The following HEATR5B variants were observed in gnomAD, a reference collection of about 807,000 sequenced individuals.
HEATR5B encodes the protein HEAT repeat-containing protein 5B.
Under a neutral mutation model 224.1 loss-of-function variants are expected in HEATR5B, and 156 were observed. The observed-to-expected ratio is 0.70, with a 90% CI of 0.61 to 0.80. The LOEUF (loss-of-function observed/expected upper bound fraction) is 0.80. Ranked by LOEUF, HEATR5B falls within the 30% of genes least tolerant of loss-of-function variation. HEATR5B has a pLI of 0.00. For synonymous variants in HEATR5B, 1,027 were observed against 893.0 expected, an observed-to-expected ratio of 1.15 and a Z score of -2.68; for missense variants, 2,323 against 2,535.5, an observed-to-expected ratio of 0.92 and a Z score of 1.80.
intron 5 of HEATR5B, among the ~76,000 whole-genome samples, chr2:37,074,836 A>G (rs544375863): frequency 2.6e-4 from 40 of 152,236 alleles, no homozygotes; most frequent in Non-Finnish European, 5.6e-4. Context: ...TTAAAGCCAC[A>G]ATGAGATACC....
intron 33 of HEATR5B, among the ~76,000 whole-genome samples, chr2:36,997,412 C>G (rs1666790994): frequency 6.6e-6 from 1 of 152,010 alleles, no homozygotes; most frequent in African/African-American, 2.4e-5. Context: ...TGGTCACAAA[C>G]TCCTCTGCTC....
chr2:37,033,149 G>T (rs1669246514), intron 21 of HEATR5B, among the ~76,000 whole-genome samples: 1 of 152,162 alleles, frequency 6.6e-6, no homozygotes, highest in African/African-American at 2.4e-5. Flanking sequence ...AAAGTGCTGG[G>T]ATTACAGGCA....
Position 37,083,433 on chromosome 2 carries a change from A to G in HEATR5B, c.-19T>C, listed in dbSNP as rs765815925. Reference sequence around the variant, plus strand: ...ACTCCATTACGGAAGTTTGAAATTCACACCTTAAATTTAACAGAGTAAAAA... The same window carrying G: ...ACTCCATTACGGAAGTTTGAAATTCGCACCTTAAATTTAACAGAGTAAAAA... On this transcript the variant is annotated 5_prime_UTR_variant, in exon 2 of 36. Coordinates refer to ENST00000233099, the MANE Select transcript of HEATR5B (RefSeq NM_019024.3). 4 of 1,604,034 alleles carry G rather than the reference A, an allele frequency of 2.5e-6. No individual in the cohort carries two copies. In the South Asian group the frequency reaches 4.4e-5, roughly 18 times the overall value.
intron 16 of HEATR5B, among the ~76,000 whole-genome samples, chr2:37,056,104 A>G (rs1375212701): frequency 3.3e-5 from 5 of 152,178 alleles, no homozygotes; most frequent in African/African-American, 1.2e-4. Context: ...TGTATGAACT[A>G]TCAAACAAAC....
chr2:37,012,074 G>A (rs1204942949), intron 27 of HEATR5B, among the ~76,000 whole-genome samples: 1 of 152,070 alleles, frequency 6.6e-6, no homozygotes, highest in Non-Finnish European at 1.5e-5. Context: ...CACAAAAAAG[G>A]ACAATCAGAA....
Position 36,990,676 on chromosome 2 carries a change from T to A in HEATR5B, c.5669A>T (p.Lys1890Ile). The change falls in exon 34 of 36, where the codon AAA becomes ATA. Residue 1890 changes from lysine to isoleucine, a missense_variant. By Grantham distance (102) the Lys-to-Ile change is moderately radical. This residue lies in a region of HEATR5B where 844 missense variants were observed against 812.9 expected (regional missense o/e 1.04). Transcript: ENST00000233099. ...SLQNGCMNRF[K>I]NALNSCDPWV... ...TGGGTCGCATGAATTTAATGCATTT[T>A]TAAATCTGTTCATGCAGCCATTCTG... The A allele has an allele frequency of 6.2e-7, 1 of 1,601,844 alleles. No homozygotes were observed. Among genetic ancestry groups the A allele is most frequent in the East Asian group, 2.2e-5 (1 of 44,702 alleles).
chr2:37,019,042 C>CA (rs1668300052), intron 26 of HEATR5B, among the ~76,000 whole-genome samples: 2 of 151,880 alleles, frequency 1.3e-5, no homozygotes, highest in South Asian at 4.1e-4. Flanking sequence ...CACCTAATCC[C>CA]AGCTACTCAG....
intron 26 of HEATR5B, among the ~76,000 whole-genome samples, chr2:37,018,887 T>C (rs1668288748): frequency 6.6e-6 from 1 of 151,972 alleles, no homozygotes; most frequent in Non-Finnish European, 1.5e-5. Flanking sequence ...TGGGGCAGGG[T>C]GTGGTGGCAC....
intron 2 of HEATR5B, among the ~76,000 whole-genome samples, chr2:37,081,420 C>G (rs953209273): frequency 6.6e-6 from 1 of 152,104 alleles, no homozygotes; most frequent in Non-Finnish European, 1.5e-5. Context: ...ACAATAACAA[C>G]AAAGCACAAA....
chr2:37,012,173 C>T (rs185825746), intron 27 of HEATR5B, among the ~76,000 whole-genome samples: 20 of 152,188 alleles, frequency 1.3e-4, no homozygotes, highest in Admixed American at 3.9e-4. Context: ...TATATAAACA[C>T]GCTCAGTTTT....
intron 16 of HEATR5B, among the ~76,000 whole-genome samples, chr2:37,055,437 A>C (rs1463476862): frequency 6.6e-6 from 1 of 152,174 alleles, no homozygotes; most frequent in Non-Finnish European, 1.5e-5. Flanking sequence ...TTAGATATGG[A>C]TGTCCTTAAG....
At chr2:37,040,264 T>C (rs1669788542) in intron 20 of HEATR5B, 65 bp downstream of exon 20, 3 of 1,248,994 alleles carry the variant, frequency 2.4e-6, no homozygotes, top group Non-Finnish European at 3.5e-6. Flanking sequence ...GTGATGGTGA[T>C]ATTCAGGAAA....
At chr2:37,007,659 G>C (rs971500571) in intron 28 of HEATR5B, among the ~76,000 whole-genome samples, 1 of 151,996 alleles carries the variant, frequency 6.6e-6, no homozygotes, top group African/African-American at 2.4e-5. Context: ...ATACATGTTC[G>C]CTCATTTATG....
At chr2:37,023,458 T>G (rs1668586604) in intron 24 of HEATR5B, among the ~76,000 whole-genome samples, 1 of 152,160 alleles carries the variant, frequency 6.6e-6, no homozygotes, top group South Asian at 2.1e-4. Context: ...AAAACTAATT[T>G]TAGAATCTTG....
chr2:37,007,151 T>C lies in HEATR5B; in HGVS notation c.4676A>G (p.Gln1559Arg), dbSNP rs753548781. The C allele has an allele frequency of 6.2e-7, 1 of 1,614,154 alleles. No homozygotes were observed. The highest frequency in any genetic ancestry group is 1.1e-5 in the South Asian group (1 of 91,080). ...STEAAAISGLQKRSTSVNLNQ... is the reference protein window; with the variant it reads ...STEAAAISGLRKRSTSVNLNQ... ...TAAATTGACAGATGTAGAACGTTTT[T>C]GTAAACCAGATATTGCTGCTGCTTC... Residue 1559 changes from glutamine to arginine, a missense_variant, in exon 29 of 36, where the codon CAA becomes CGA. Gln to Arg is a conservative substitution (Grantham distance 43). Coordinates refer to ENST00000233099, the MANE Select transcript of HEATR5B (RefSeq NM_019024.3).
At chr2:37,018,952 G>A (rs1368295023) in intron 26 of HEATR5B, among the ~76,000 whole-genome samples, 1 of 152,086 alleles carries the variant, frequency 6.6e-6, no homozygotes, top group African/African-American at 2.4e-5. Context: ...ACGAGATCAG[G>A]GGTTTGAGAC....
intron 34 of HEATR5B, 108 bp downstream of exon 34, chr2:36,990,540 G>A (rs1473789247): frequency 2.9e-6 from 3 of 1,024,300 alleles, no homozygotes; most frequent in East Asian, 2.5e-5. Flanking sequence ...AAGCCATAGT[G>A]CAAATACTTA....
chr2:37,075,502 G>A lies in HEATR5B; in HGVS notation c.580C>T (p.Arg194Ter), dbSNP rs750315743. The A allele has an allele frequency of 3.1e-6, 5 of 1,612,684 alleles. No homozygotes were observed. The highest frequency in any genetic ancestry group is 2.2e-5 in the East Asian group (1 of 44,786). The change falls in exon 5 of 36, where the codon CGA becomes TGA. Residue 194 changes from arginine (R) to a stop codon, truncating the protein, a stop_gained. Coordinates refer to ENST00000233099, the MANE Select transcript of HEATR5B (RefSeq NM_019024.3). LOFTEE classifies it high-confidence loss of function. ...GTACTAACCTTGGCCACTGCACATC[G>A]AACAGCCATTGACCTATCAGTCAAG... ...SLLTDRSMAV[R>*]CAVAKCLLEL...
Position 37,071,130 on chromosome 2 carries a change from ACATCATCATCAT to A in HEATR5B, c.770-755_770-744del, listed in dbSNP as rs57358811. ...CACATAGTTAGCACTTTAAAACATT[ACATCATCATCAT>A]CATCATCATCATCATCATCATCTAC... is the stretch of plus-strand genomic sequence containing the variant. On this transcript the variant is annotated intron_variant, in intron 6 of 35. Coordinates refer to ENST00000233099, the MANE Select transcript of HEATR5B (RefSeq NM_019024.3). 1.1e-4 allele frequency among the ~76,000 whole-genome samples: 17 copies of A among 151,208 alleles called. No individual in the cohort carries two copies. The South Asian group carries it at 1.3e-3, about 11-fold the overall frequency.
Sources: allele counts gnomAD v4.1 joint callset (sites outside exome capture counted in the v4.1 genomes callset), GRCh38; gene constraint gnomAD v4.1.1; regional missense constraint gnomAD v4.1.1; transcripts MANE v1.5; gene names NCBI Gene and HGNC (gene_info 2026-07-23, HGNC 2026-07-21).